BACH1: variants seen among roughly 807,000 people sequenced by gnomAD.
BACH1 encodes the protein BTB domain and CNC homolog 1, also known as transcription regulator protein BACH1.
A neutral mutation model predicts 52.9 loss-of-function variants in BACH1; 35 were observed. The ratio of observed to expected loss-of-function variants is 0.66; its 90% CI spans 0.51 to 0.88. The LOEUF (loss-of-function observed/expected upper bound fraction) is 0.88. Ranked by LOEUF, BACH1 falls within the 40% of genes least tolerant of loss-of-function variation. BACH1 has a pLI of 0.00. For synonymous variants in BACH1, 321 were observed against 319.6 expected (o/e 1.00, Z -0.05); for missense variants, 808 against 872.6 (o/e 0.93, Z 0.93).
In BACH1 at chr21:29,321,497, A is replaced by G; in HGVS notation, c.217A>G (p.Ile73Val). Residue 73 changes from isoleucine (I) to valine (V), a missense_variant, in exon 2 of 5, where the codon ATT becomes GTT. Ile to Val is a conservative substitution (Grantham distance 29). Transcript: ENST00000286800. ...AGGCCAGGCTGATGGAGAGCTGAAC[A>G]TTACTCTTCCAGAAGAGGTGAGAGA... ...IVGQADGELN[I>V]TLPEEVTVKG... 6.2e-7 allele frequency: 1 copy of G among 1,613,894 alleles called. No homozygotes were observed. Among genetic ancestry groups the G allele is most frequent in the Non-Finnish European group, 8.5e-7 (1 of 1,179,834 alleles).
rs1484478510 is a variant in BACH1 at position 29,343,011 on chromosome 21, G to T, written c.*178G>T. On this transcript the variant is annotated 3_prime_UTR_variant, in exon 5 of 5. Transcript: ENST00000286800. ...CTCCTTGATTTCTACAAGAGACAAAGAAATGATTTTGCCTCCTGGATATCA... is the reference window on the plus strand; with the variant it reads ...CTCCTTGATTTCTACAAGAGACAAATAAATGATTTTGCCTCCTGGATATCA... 6.5e-6 allele frequency: 4 copies of T among 613,684 alleles called. No individual in the cohort carries two copies. In the East Asian group the frequency reaches 1.2e-4, roughly 19 times the overall value. The allele number at this position is 613,684 out of a possible 1,614,324, so 38.0% of individuals were successfully genotyped here.
chr21:29,349,805 A>T (rs2089191884), downstream of BACH1, among the ~76,000 whole-genome samples: 1 of 151,242 alleles, frequency 6.6e-6, no homozygotes, highest in South Asian at 2.1e-4. Flanking sequence ...GATTGGCTTG[A>T]TTTCAAAACA....
downstream of BACH1, among the ~76,000 whole-genome samples, chr21:29,348,626 C>G (rs1404536781): frequency 6.6e-6 from 1 of 152,170 alleles, no homozygotes; most frequent in African/African-American, 2.4e-5. Context: ...TGCATGACAC[C>G]TTAATTTACA....
At chr21:29,314,866 A>G (rs2088768228) in intron 1 of BACH1, among the ~76,000 whole-genome samples, 1 of 152,174 alleles carries the variant, frequency 6.6e-6, no homozygotes, top group African/African-American at 2.4e-5. Flanking sequence ...TCAAATACAG[A>G]TGTTTAAACA....
chr21:29,330,132 G>T, intron 4 of BACH1, among the ~76,000 whole-genome samples: 1 of 152,062 alleles, frequency 6.6e-6, no homozygotes, highest in Non-Finnish European at 1.5e-5. Context: ...TATCTAATGG[G>T]ATCCTAAGTG....
intron 4 of BACH1, among the ~76,000 whole-genome samples, chr21:29,332,097 T>C (rs1314079704): frequency 6.6e-6 from 1 of 152,000 alleles, no homozygotes; most frequent in Non-Finnish European, 1.5e-5. Flanking sequence ...CACACCCAAC[T>C]AATTTTTTGT....
intron 4 of BACH1, among the ~76,000 whole-genome samples, chr21:29,330,556 G>A (rs904259177): frequency 2.0e-4 from 31 of 152,022 alleles, no homozygotes; most frequent in Admixed American, 3.9e-4. Context: ...TTTTCCGTTG[G>A]TGGAAGGAAG....
At chr21:29,346,917 G>A (rs1383760581), downstream of BACH1, among the ~76,000 whole-genome samples, 1 of 152,188 alleles carries the variant, frequency 6.6e-6, no homozygotes, top group African/African-American at 2.4e-5. Flanking sequence ...GCGTGTTAAA[G>A]GAACAGAAGG....
chr21:29,338,000 A>G (rs146591976), intron 4 of BACH1, among the ~76,000 whole-genome samples: 2,998 of 152,332 alleles, frequency 0.02, 84 homozygotes, highest in African/African-American at 0.068. Flanking sequence ...AACATGGCAC[A>G]TGTATACATA....
At chr21:29,340,134 G>A (rs990217841) in intron 4 of BACH1, among the ~76,000 whole-genome samples, 53 of 152,346 alleles carry the variant, frequency 3.5e-4, no homozygotes, top group African/African-American at 1.2e-3. Flanking sequence ...TGTAAGTAGT[G>A]ACTTTGGGAG....
intron 1 of BACH1, among the ~76,000 whole-genome samples, chr21:29,309,310 T>C (rs2088694375): frequency 6.6e-6 from 1 of 152,048 alleles, no homozygotes; most frequent in South Asian, 2.1e-4. Context: ...AAGGGGAAAT[T>C]TGTTGTTCCA....
At chr21:29,352,098 A>AGGC (rs2089206079) in intron 2 of BACH1, among the ~76,000 whole-genome samples, 1 of 147,142 alleles carries the variant, frequency 6.8e-6, no homozygotes, top group Non-Finnish European at 1.5e-5. Flanking sequence ...TTTTTTGCCC[A>AGGC]GGCTGGAGTG....
In BACH1 at chr21:29,342,455, T is replaced by C. The variant is rs388707; in HGVS notation, c.1833T>C (p.Gly611=). 712,430 of 1,613,806 alleles carry C rather than the reference T, an allele frequency of 0.44. 161,378 individuals carry two copies. Among genetic ancestry groups the C allele is most frequent in the African/African-American group, 0.65 (48,712 of 74,932 alleles). Reference sequence around the variant, plus strand: ...GAGATCACATTTTGTCAACTCTGGGTGAGACAAAGCAGAACCTAACTGGAC... The same window carrying C: ...GAGATCACATTTTGTCAACTCTGGGCGAGACAAAGCAGAACCTAACTGGAC... ...KERDHILSTL[G]ETKQNLTGLC... is the part of the protein sequence containing the mutation. Residue 611 remains glycine (G), a synonymous_variant, in exon 5 of 5, where the codon GGT becomes GGC. Coordinates refer to ENST00000286800, the MANE Select transcript of BACH1 (RefSeq NM_001186.4).
At chr21:29,330,451 A>G (rs1175599270) in intron 4 of BACH1, among the ~76,000 whole-genome samples, 1 of 152,120 alleles carries the variant, frequency 6.6e-6, no homozygotes, top group Non-Finnish European at 1.5e-5. Context: ...AAGGGATTTC[A>G]GGCATGAGCC....
chr21:29,319,040 A>G (rs1398136925), intron 1 of BACH1, among the ~76,000 whole-genome samples: 1 of 152,170 alleles, frequency 6.6e-6, no homozygotes, highest in Admixed American at 6.5e-5. Context: ...ATGTTGGCCA[A>G]GATACTTCTT....
At chr21:29,317,103 TA>T (rs2088796374) in intron 1 of BACH1, among the ~76,000 whole-genome samples, 1 of 152,214 alleles carries the variant, frequency 6.6e-6, no homozygotes, top group Non-Finnish European at 1.5e-5. Context: ...GTGTGAACCC[TA>T]TGGTAAACTG....
At chr21:29,303,914 T>C (rs1030733553) in intron 1 of BACH1, among the ~76,000 whole-genome samples, 5 of 152,202 alleles carry the variant, frequency 3.3e-5, no homozygotes, top group African/African-American at 1.2e-4. Flanking sequence ...TAATGACCAG[T>C]GTAGAAACAC....
chr21:29,308,391 A>G (rs983754991), intron 1 of BACH1, among the ~76,000 whole-genome samples: 1 of 152,210 alleles, frequency 6.6e-6, no homozygotes, highest in Non-Finnish European at 1.5e-5. Context: ...CTCTACTTGA[A>G]TAAAACAGTT....
intron 1 of BACH1, chr21:29,299,495 T>C (rs1170065035): frequency 6.6e-6 from 1 of 152,298 alleles, no homozygotes; most frequent in Non-Finnish European, 1.5e-5. Context: ...AAGGCCACCG[T>C]GCTGAGCTGG....
Sources: allele counts gnomAD v4.1 joint callset (sites outside exome capture counted in the v4.1 genomes callset), GRCh38; gene constraint gnomAD v4.1.1; transcripts MANE v1.5; gene names NCBI Gene and HGNC (gene_info 2026-07-23, HGNC 2026-07-21).